The following BNC2 variants were observed in gnomAD, a reference collection of about 807,000 sequenced individuals.
BNC2 encodes basonuclin zinc finger protein 2.
In BNC2, 20 loss-of-function variants were observed where a neutral mutation model predicts 76.3. The ratio of observed to expected loss-of-function variants is 0.26; its 90% CI spans 0.18 to 0.38. The LOEUF (loss-of-function observed/expected upper bound fraction) is 0.38. BNC2 is among the 10% of genes least tolerant of loss of function. The pLI, the probability that BNC2 is intolerant of heterozygous loss-of-function variation, is 1.00. For synonymous variants in BNC2, 582 were observed against 514.8 expected, an observed-to-expected ratio of 1.13 and a Z score of -1.77; for missense variants, 1,382 against 1,399.8, an observed-to-expected ratio of 0.99 and a Z score of 0.20.
chr9:16,542,057 A>C (rs1274526840), intron 5 of BNC2, among the ~76,000 whole-genome samples: 1 of 152,170 alleles, frequency 6.6e-6, no homozygotes, highest in East Asian at 1.9e-4. Flanking sequence ...AAAATACAGT[A>C]ACCACATTAC....
At chr9:16,737,548 C>CTTTTT (rs34933639) in intron 2 of BNC2, among the ~76,000 whole-genome samples, 2 of 146,144 alleles carry the variant, frequency 1.4e-5, no homozygotes, top group Non-Finnish European at 3.0e-5. Context: ...CCGTGCCTGG[C>CTTTTT]TTTTTTTTTT....
intron 3 of BNC2, among the ~76,000 whole-genome samples, chr9:16,670,280 A>C (rs988667049): frequency 2.0e-5 from 3 of 152,158 alleles, no homozygotes; most frequent in Non-Finnish European, 4.4e-5. Context: ...AATTCTGCTA[A>C]ATACCTCTAT....
intron 5 of BNC2, among the ~76,000 whole-genome samples, chr9:16,449,549 C>CGTAAATGA (rs1259852043): frequency 6.6e-6 from 1 of 151,948 alleles, no homozygotes; most frequent in Non-Finnish European, 1.5e-5. Flanking sequence ...ATTGTGTCAC[C>CGTAAATGA]GTAAATGAAT....
At chr9:16,703,250 G>A (rs1823568316) in intron 3 of BNC2, among the ~76,000 whole-genome samples, 1 of 152,128 alleles carries the variant, frequency 6.6e-6, no homozygotes, top group Admixed American at 6.5e-5. Flanking sequence ...AATGTTAATT[G>A]ACAGATTTTT....
At chr9:16,853,637 T>C (rs138212304) in intron 1 of BNC2, among the ~76,000 whole-genome samples, 2,062 of 151,872 alleles carry the variant, frequency 0.014, 47 homozygotes, top group African/African-American at 0.047. Flanking sequence ...GAGGCTGAGA[T>C]GGGTCAATCT....
chr9:16,870,550 G>T, intron 1 of BNC2, 96 bp downstream of exon 1: 1 of 1,446,460 alleles, frequency 6.9e-7, no homozygotes, highest in Non-Finnish European at 9.5e-7. Context: ...CCGGAGGGCG[G>T]ACACGGCCCC....
chr9:16,686,211 A>G (rs1366056261), intron 3 of BNC2, among the ~76,000 whole-genome samples: 1 of 152,180 alleles, frequency 6.6e-6, no homozygotes, highest in African/African-American at 2.4e-5. Context: ...TTTAAGCTTA[A>G]AAACCTTGTT....
chr9:16,643,810 A>C (rs1165358106), intron 3 of BNC2, among the ~76,000 whole-genome samples: 1 of 152,182 alleles, frequency 6.6e-6, no homozygotes, highest in Non-Finnish European at 1.5e-5. Context: ...GACCTTCCTC[A>C]GCATGGTTTA....
chr9:16,768,300 G>A (rs1199342100), intron 1 of BNC2, among the ~76,000 whole-genome samples: 1 of 152,030 alleles, frequency 6.6e-6, no homozygotes, highest in East Asian at 1.9e-4. Flanking sequence ...GTCAGTAAGA[G>A]CCACCAAGTA....
At chr9:16,456,286 T>C (rs16934710) in intron 5 of BNC2, among the ~76,000 whole-genome samples, 13,243 of 152,170 alleles carry the variant, frequency 0.087, 627 homozygotes, top group African/African-American at 0.12. Flanking sequence ...GAGTCTCAAA[T>C]AGACATTGCC....
At chr9:16,600,981 T>C (rs899299507) in intron 3 of BNC2, among the ~76,000 whole-genome samples, 1 of 152,098 alleles carries the variant, frequency 6.6e-6, no homozygotes, top group African/African-American at 2.4e-5. Flanking sequence ...TCACAGAAAA[T>C]GATGATGATA....
intron 4 of BNC2, among the ~76,000 whole-genome samples, chr9:16,572,610 T>C (rs926269334): frequency 3.3e-5 from 5 of 152,174 alleles, no homozygotes; most frequent in South Asian, 2.1e-4. Context: ...GCAAAGTGTA[T>C]TGAGAAAATA....
intron 3 of BNC2, among the ~76,000 whole-genome samples, chr9:16,616,794 AG>A (rs1328241846): frequency 5.6e-5 from 8 of 141,836 alleles, no homozygotes; most frequent in African/African-American, 2.1e-4. Flanking sequence ...GAAGGAGGGA[AG>A]GAAGGAAGGA....
intron 1 of BNC2, among the ~76,000 whole-genome samples, chr9:16,808,685 T>C (rs1817972850): frequency 6.6e-6 from 1 of 151,524 alleles, no homozygotes; most frequent in Non-Finnish European, 1.5e-5. Flanking sequence ...GGTTTTGCTA[T>C]GTTGCCCAAG....
In BNC2 at chr9:16,418,997, C is replaced by T. The variant is rs1031521992; in HGVS notation, c.3292G>A (p.Val1098Ile). Residue 1098 changes from valine to isoleucine, a missense_variant, in exon 7 of 7, where the codon GTA becomes ATA. Val to Ile is a conservative substitution (Grantham distance 29). Coordinates refer to ENST00000380672, the MANE Select transcript of BNC2 (RefSeq NM_017637.6). The stretch of plus-strand genomic sequence containing the variant: ...TAGTGTCCATTCTGAGACTAATCTA[C>T]TGAAGTGAAGGGAATGTTTTTGTGG... ...NLHKNIPFTS[V>I]D 4 of 1,614,086 alleles carry T rather than the reference C, an allele frequency of 2.5e-6. No homozygotes were observed. Among genetic ancestry groups the T allele is most frequent in the Middle Eastern group, 1.6e-4 (1 of 6,062 alleles).
chr9:16,474,214 A>G (rs1416757112), intron 5 of BNC2, among the ~76,000 whole-genome samples: 4 of 152,264 alleles, frequency 2.6e-5, no homozygotes, highest in African/African-American at 9.6e-5. Flanking sequence ...TTAGGATTAT[A>G]CATCCTAATT....
intron 5 of BNC2, among the ~76,000 whole-genome samples, chr9:16,536,735 T>G (rs1818140873): frequency 6.6e-6 from 1 of 152,188 alleles, no homozygotes; most frequent in Admixed American, 6.5e-5. Flanking sequence ...TTCAGATGAA[T>G]CTTCGTATTT....
intron 5 of BNC2, among the ~76,000 whole-genome samples, chr9:16,523,419 C>T (rs1389899873): frequency 4.1e-5 from 6 of 145,848 alleles, no homozygotes; most frequent in Non-Finnish European, 7.6e-5. Flanking sequence ...TGCAGTGAGC[C>T]GAGATAGCGC....
intron 4 of BNC2, among the ~76,000 whole-genome samples, chr9:16,565,982 G>A (rs1026780316): frequency 4.6e-5 from 7 of 152,120 alleles, no homozygotes; most frequent in Non-Finnish European, 8.8e-5. Context: ...AGAGATAAGC[G>A]AGGTTCCATC....
Sources: allele counts gnomAD v4.1 joint callset (sites outside exome capture counted in the v4.1 genomes callset), GRCh38; gene constraint gnomAD v4.1.1; transcripts MANE v1.5; gene names NCBI Gene and HGNC (gene_info 2026-07-23, HGNC 2026-07-21).